Variants in STPG4 observed in about 807,000 individuals in gnomAD.
The protein encoded by STPG4 is protein STPG4.
A neutral mutation model predicts 31.5 loss-of-function variants in STPG4; 41 were observed. That is an observed-to-expected ratio of 1.30 (90% CI 1.01 to 1.69). STPG4 has a LOEUF of 1.69. Among genes scored for constraint, STPG4 ranks in the 40% most tolerant of loss-of-function variants. The pLI, the probability that STPG4 is intolerant of heterozygous loss-of-function variation, is 0.00. For missense variants in STPG4, 375 were observed against 293.4 expected (o/e 1.28, Z -2.03); for synonymous variants, 141 against 103.0 (o/e 1.37, Z -2.24).
intron 5 of STPG4, among the ~76,000 whole-genome samples, chr2:47,110,458 G>C (rs1237635008): frequency 6.6e-6 from 1 of 152,186 alleles, no homozygotes; most frequent in Non-Finnish European, 1.5e-5. Flanking sequence ...GCCAGGCCTG[G>C]TGGCGGGCAC....
chr2:47,121,740 G>A lies in STPG4; in HGVS notation c.519+8201C>T, dbSNP rs1686275319. ...CCATGCTCCCTCCAGAGGATCTAAG[G>A]GAGAAGCTGTTCCTTACCTCTTTCA... On this transcript the variant is annotated intron_variant, in intron 5 of 6. Coordinates refer to ENST00000445927, the MANE Select transcript of STPG4 (RefSeq NM_001163561.2). Among the ~76,000 whole-genome samples the A allele has an allele frequency of 2.0e-5, 3 of 152,118 alleles. No homozygotes were observed. The South Asian group carries it at 6.2e-4, about 31-fold the overall frequency.
chr2:47,121,847 CGTGTGTGTGTGT>C (rs10538224), intron 5 of STPG4, among the ~76,000 whole-genome samples: 4,976 of 143,520 alleles, frequency 0.035, 263 homozygotes, highest in African/African-American at 0.11. Flanking sequence ...GCCCTCTCCT[CGTGTGTGTGTGT>C]GTGTGTGTGT....
intron 5 of STPG4, 26 bp downstream of exon 5, chr2:47,129,915 G>A: frequency 1.2e-6 from 2 of 1,607,044 alleles, no homozygotes; most frequent in African/African-American, 1.3e-5. Context: ...AATTCATCAT[G>A]AGTTAACTGT....
chr2:47,088,995 A>G (rs1685515539), intron 6 of STPG4, among the ~76,000 whole-genome samples: 1 of 152,164 alleles, frequency 6.6e-6, no homozygotes, highest in Non-Finnish European at 1.5e-5. Context: ...CATCAAGCTC[A>G]GTTCCCCTCC....
chr2:47,094,507 G>A (rs533149048), intron 5 of STPG4, among the ~76,000 whole-genome samples: 46 of 152,322 alleles, frequency 3.0e-4, no homozygotes, highest in African/African-American at 1.1e-3. Flanking sequence ...AACGGGAGCT[G>A]TAAGGATTAT....
At chr2:47,110,924 C>T (rs1031979366) in intron 5 of STPG4, among the ~76,000 whole-genome samples, 24 of 152,140 alleles carry the variant, frequency 1.6e-4, no homozygotes, top group Admixed American at 9.8e-4. Context: ...ATTGTTGCTA[C>T]TGTTATCTTG....
intron 5 of STPG4, among the ~76,000 whole-genome samples, chr2:47,121,322 G>C (rs1686268902): frequency 6.6e-6 from 1 of 152,042 alleles, no homozygotes; most frequent in Non-Finnish European, 1.5e-5. Flanking sequence ...GTGAGGATGT[G>C]GGCCTTTACT....
chr2:47,094,787 C>A (rs1685637259), intron 5 of STPG4, among the ~76,000 whole-genome samples: 1 of 152,206 alleles, frequency 6.6e-6, no homozygotes, highest in African/African-American at 2.4e-5. Flanking sequence ...AAGACTCAGA[C>A]TTTCCTGGAG....
At chr2:47,125,434 T>C (rs568496829) in intron 5 of STPG4, among the ~76,000 whole-genome samples, 2 of 152,124 alleles carry the variant, frequency 1.3e-5, no homozygotes. Flanking sequence ...AAAAAAGACC[T>C]TTTTCCTATT....
At chr2:47,087,574 C>T (rs13411522) in intron 6 of STPG4, among the ~76,000 whole-genome samples, 4,725 of 152,246 alleles carry the variant, frequency 0.031, 251 homozygotes, top group African/African-American at 0.11. Flanking sequence ...AAGCCCAAAT[C>T]GCCTCTCAAA....
At chr2:47,137,774 A>G (rs1289778637) in intron 3 of STPG4, among the ~76,000 whole-genome samples, 1 of 152,124 alleles carries the variant, frequency 6.6e-6, no homozygotes, top group African/African-American at 2.4e-5. Context: ...GTTATTCAGA[A>G]TATTCCTTTA....
intron 5 of STPG4, among the ~76,000 whole-genome samples, chr2:47,113,723 A>G (rs891780263): frequency 6.6e-6 from 1 of 152,222 alleles, no homozygotes; most frequent in Non-Finnish European, 1.5e-5. Context: ...CCCATTTGTG[A>G]CAATCCTTAA....
chr2:47,129,835 A>G (rs1423931752), intron 5 of STPG4, 106 bp downstream of exon 5: 2 of 1,383,054 alleles, frequency 1.4e-6, no homozygotes, highest in Non-Finnish European at 2.0e-6. Context: ...TGCTAGGGGG[A>G]ACGATCACTG....
chr2:47,145,274 A>C (rs1686796687), intron 3 of STPG4, among the ~76,000 whole-genome samples: 1 of 152,212 alleles, frequency 6.6e-6, no homozygotes, highest in Non-Finnish European at 1.5e-5. Flanking sequence ...GTCTAATGGA[A>C]GATACCCACT....
At chr2:47,089,952 C>T (rs922681163) in intron 6 of STPG4, among the ~76,000 whole-genome samples, 7 of 152,208 alleles carry the variant, frequency 4.6e-5, no homozygotes, top group Non-Finnish European at 1.5e-5. Flanking sequence ...GCAGCCACTG[C>T]AGGTACCCCC....
intron 3 of STPG4, among the ~76,000 whole-genome samples, chr2:47,148,291 G>C (rs1194912350): frequency 6.6e-6 from 1 of 151,872 alleles, no homozygotes; most frequent in African/African-American, 2.4e-5. Flanking sequence ...CGGGTGAAAG[G>C]GTTGAAAAAC....
At chr2:47,148,443 AAT>A (rs1298563500) in intron 3 of STPG4, among the ~76,000 whole-genome samples, 2 of 152,160 alleles carry the variant, frequency 1.3e-5, no homozygotes, top group Non-Finnish European at 2.9e-5. Flanking sequence ...TTGAAAAAAA[AAT>A]AGAAAGTCTC....
intron 5 of STPG4, among the ~76,000 whole-genome samples, chr2:47,093,169 A>T (rs1315220451): frequency 2.6e-5 from 4 of 152,164 alleles, no homozygotes; most frequent in African/African-American, 9.7e-5. Flanking sequence ...TGCCATTCTC[A>T]ATTACTCCAC....
intron 5 of STPG4, among the ~76,000 whole-genome samples, chr2:47,117,349 A>G (rs1686173329): frequency 6.6e-6 from 1 of 152,146 alleles, no homozygotes; most frequent in Non-Finnish European, 1.5e-5. Flanking sequence ...AGCTGGGATT[A>G]GAGGCATGCA....
Sources: allele counts gnomAD v4.1 joint callset (sites outside exome capture counted in the v4.1 genomes callset), GRCh38; gene constraint gnomAD v4.1.1; transcripts MANE v1.5; gene names NCBI Gene and HGNC (gene_info 2026-07-23, HGNC 2026-07-21).